The following SLC38A3 variants were observed in gnomAD, a reference collection of about 807,000 sequenced individuals.
The protein encoded by SLC38A3 is solute carrier family 38 member 3.
In SLC38A3, 17 loss-of-function variants were observed where a neutral mutation model predicts 59.5. That is an observed-to-expected ratio of 0.29 (90% CI 0.20 to 0.43). The LOEUF is 0.43. SLC38A3 is among the 20% of genes least tolerant of loss of function. SLC38A3 has a pLI of 1.00. For synonymous variants in SLC38A3, 238 were observed against 260.3 expected, an observed-to-expected ratio of 0.91 and a Z score of 0.82; for missense variants, 454 against 653.9, an observed-to-expected ratio of 0.69 and a Z score of 3.33.
chr3:50,208,846 T>A (rs1699682748), intron 1 of SLC38A3, among the ~76,000 whole-genome samples: 1 of 152,212 alleles, frequency 6.6e-6, no homozygotes, highest in Admixed American at 6.5e-5. Flanking sequence ...AATGACTGTG[T>A]TTTCTCTCCC....
Position 50,218,250 on chromosome 3 carries a change from A to ACCCC in SLC38A3, c.936-16_936-13dup. 9.6e-7 allele frequency: 1 copy of ACCCC among 1,038,316 alleles called. No individual in the cohort carries two copies. The highest frequency in any genetic ancestry group is 1.5e-6 in the Non-Finnish European group (1 of 658,142). 64.3% of individuals were successfully genotyped at this position (1,038,316 alleles called of 1,614,324 possible). On this transcript the variant is annotated intron_variant, in intron 11 of 15. Transcript: ENST00000614032. This position sits in a 1 kb window ranked among gnomAD's most constrained non-coding sequence, Gnocchi z 5.8. ...GTTACCCAGCTTGTCACCAACACCC[A>ACCCC]CCCCCCCACTTCCCCACAGCCCCTC...
chr3:50,218,260 T>C lies in SLC38A3; in HGVS notation c.936-10T>C, dbSNP rs1222048297. 2.2e-4 allele frequency: 252 copies of C among 1,155,068 alleles called. No individual in the cohort carries two copies. The highest frequency in any genetic ancestry group is 2.6e-4 in the Non-Finnish European group (197 of 771,338). 71.6% of individuals were successfully genotyped at this position (1,155,068 alleles called of 1,614,324 possible). A position where few individuals can be genotyped will look rare whatever the true frequency, so the allele number is the denominator to read the frequency against. On this transcript the variant is annotated splice_polypyrimidine_tract_variant and intron_variant, in intron 11 of 15. Coordinates refer to ENST00000614032, the MANE Select transcript of SLC38A3 (RefSeq NM_006841.6). The surrounding 1 kb of genome is among the most constrained non-coding windows in gnomAD (Gnocchi z 5.8). The stretch of plus-strand genomic sequence containing the variant: ...TTGTCACCAACACCCACCCCCCCAC[T>C]TCCCCACAGCCCCTCCAAGAAGAAG...
intron 1 of SLC38A3, among the ~76,000 whole-genome samples, chr3:50,213,612 G>A (rs1027432209): frequency 1.3e-4 from 20 of 152,226 alleles, no homozygotes; most frequent in African/African-American, 3.6e-4. Context: ...CCCGCCGGGC[G>A]GCTGGGAACA....
chr3:50,214,101 C>G lies in SLC38A3; in HGVS notation c.-51-48C>G, dbSNP rs147216072. 346 of 1,161,468 alleles carry G rather than the reference C, an allele frequency of 3.0e-4. 2 individuals are homozygous for G. In the African/African-American group the frequency reaches 4.5e-3, roughly 15 times the overall value. 71.9% of individuals were successfully genotyped at this position (1,161,468 alleles called of 1,614,324 possible). On this transcript the variant is annotated intron_variant, in intron 1 of 15. Coordinates refer to ENST00000614032, the MANE Select transcript of SLC38A3 (RefSeq NM_006841.6). This position sits in a 1 kb window ranked among gnomAD's most constrained non-coding sequence, Gnocchi z 6.0. The stretch of plus-strand genomic sequence containing the variant: ...GCAGGCCTCAGGTAGGAGGCTAGGC[C>G]GTAGGCCCAAGTAACGGGGCTAACC...
At position 50,214,420 on chromosome 3, in the gene SLC38A3, G is replaced by A. The variant is rs1394459494; in HGVS notation, c.120G>A (p.Arg40=). ...CCTACAGGGTCGAGGACCCTGCACG[G>A]AGCTGTATGGAGGGCAAGAGCTTCC... ...AGNQRVEDPA[R]SCMEGKSFLQ... The change falls in exon 3 of 16, where the codon CGG becomes CGA. Residue 40 remains arginine, a synonymous_variant. Coordinates refer to ENST00000614032, the MANE Select transcript of SLC38A3 (RefSeq NM_006841.6). This position sits in a 1 kb window ranked among gnomAD's most constrained non-coding sequence, Gnocchi z 6.0. 6.3e-7 allele frequency: 1 copy of A among 1,583,022 alleles called. No individual in the cohort carries two copies. The highest frequency in any genetic ancestry group is 1.1e-5 in the South Asian group (1 of 86,958).
Position 50,214,516 on chromosome 3 carries a change from CTG to C in SLC38A3, c.183+36_183+37del. 6.5e-7 allele frequency: 1 copy of C among 1,537,704 alleles called. No homozygotes were observed. The highest frequency in any genetic ancestry group is 1.2e-5 in the South Asian group (1 of 84,034). Reference sequence around the variant, plus strand: ...GGGCAGCAACGGGTTTTAGGGGACACTGTGGGGAGCTTGGATGCAGTAATGAG... The same window carrying C: ...GGGCAGCAACGGGTTTTAGGGGACACTGGGGAGCTTGGATGCAGTAATGAG... On this transcript the variant is annotated intron_variant, in intron 3 of 15. Coordinates refer to ENST00000614032, the MANE Select transcript of SLC38A3 (RefSeq NM_006841.6). This position sits in a 1 kb window ranked among gnomAD's most constrained non-coding sequence, Gnocchi z 6.0.
Position 50,218,665 on chromosome 3 carries a change from G to A in SLC38A3, c.1109G>A (p.Arg370His). ...DPFDVLILCV[R>H]VAVLTAVTLT... ...TTTGACGTCCTGATCCTGTGTGTGC[G>A]CGTGGCCGTGCTGACAGCAGTCACG... The change falls in exon 13 of 16, where the codon CGC becomes CAC. Residue 370 changes from arginine to histidine, a missense_variant. Arg to His is a conservative substitution (Grantham distance 29). Transcript: ENST00000614032. The surrounding 1 kb of genome is among the most constrained non-coding windows in gnomAD (Gnocchi z 5.8). 1.9e-6 allele frequency: 3 copies of A among 1,613,490 alleles called. No individual in the cohort carries two copies. Among genetic ancestry groups the A allele is most frequent in the Non-Finnish European group, 2.5e-6 (3 of 1,179,562 alleles).
chr3:50,219,894 C>T lies in SLC38A3; in HGVS notation c.1320C>T (p.Ala440=). 1 of 1,612,576 alleles carries T rather than the reference C, an allele frequency of 6.2e-7. No individual in the cohort carries two copies. ...GIFGVIGATS[A]PFLIFIFPAI... ...TGTTCTTTGCAGGTGCCACATCTGC[C>T]CCATTCCTCATCTTCATCTTCCCTG... The change falls in exon 15 of 16, where the codon GCC becomes GCT. Residue 440 remains alanine, a synonymous_variant. Coordinates refer to ENST00000614032, the MANE Select transcript of SLC38A3 (RefSeq NM_006841.6).
intron 1 of SLC38A3, among the ~76,000 whole-genome samples, chr3:50,209,522 GC>G (rs1223690240): frequency 6.6e-6 from 1 of 152,022 alleles, no homozygotes; most frequent in Non-Finnish European, 1.5e-5. Context: ...GGTGGCGGGC[GC>G]CTGTAGTCCC....
At position 50,220,109 on chromosome 3, in the gene SLC38A3, A is replaced by T. The variant is rs750197426; in HGVS notation, c.1447A>T (p.Thr483Ser). The change falls in exon 16 of 16, where the codon ACC becomes TCC. Residue 483 changes from threonine to serine, a missense_variant. By Grantham distance (58) the Thr-to-Ser change is moderately conservative. Around this residue, in one of 3 missense-constraint regions of SLC38A3, gnomAD observed 59 missense variants for 70.8 expected, o/e 0.83. Coordinates refer to ENST00000614032, the MANE Select transcript of SLC38A3 (RefSeq NM_006841.6). ...TGCTATGCTTGGCTTCTTGCTGATGACCATGAGCTTGAGCTTCATCATCAT... is the reference window on the plus strand; with the variant it reads ...TGCTATGCTTGGCTTCTTGCTGATGTCCATGAGCTTGAGCTTCATCATCAT... ...CFAMLGFLLM[T>S]MSLSFIIIDW... 1.2e-6 allele frequency: 2 copies of T among 1,607,368 alleles called. No homozygotes were observed. The highest frequency in any genetic ancestry group is 4.5e-5 in the East Asian group (2 of 44,734).
At chr3:50,211,568 CTTTTTTTTTTTTTTTT>C (rs765148889) in intron 1 of SLC38A3, among the ~76,000 whole-genome samples, 1 of 81,190 alleles carries the variant, frequency 1.2e-5, no homozygotes, top group African/African-American at 4.5e-5. Context: ...TGCCCCCATC[CTTTTTTTTTTTTTTTT>C]TTTTTTTTTT....
At chr3:50,208,989 C>T (rs1459366910) in intron 1 of SLC38A3, among the ~76,000 whole-genome samples, 1 of 152,188 alleles carries the variant, frequency 6.6e-6, no homozygotes, top group Non-Finnish European at 1.5e-5. Context: ...CTGCCCGAGG[C>T]CTGTGCTTCA....
rs748392254 is a variant in SLC38A3 at position 50,218,400 on chromosome 3, G to A, written c.1036+30G>A. 68 of 1,564,684 alleles carry A rather than the reference G, an allele frequency of 4.3e-5. 2 individuals are homozygous for A. The South Asian group carries it at 7.5e-4, about 17-fold the overall frequency. On this transcript the variant is annotated intron_variant, in intron 12 of 15. Transcript: ENST00000614032. The surrounding 1 kb of genome is among the most constrained non-coding windows in gnomAD (Gnocchi z 5.8). ...GGTGGCACCGGTGGGCAGAGGCCTA[G>A]GCTAGGCTGGGGGGAAGGGGCTGGT...
chr3:50,217,587 A>C lies in SLC38A3; in HGVS notation c.691-89A>C. Reference sequence around the variant, plus strand: ...GAAGCCTGGGCCAGAAGGCAGCTCCACCAGTCCTGATCTAGATGTGGCTTC... The same window carrying C: ...GAAGCCTGGGCCAGAAGGCAGCTCCCCCAGTCCTGATCTAGATGTGGCTTC... On this transcript the variant is annotated intron_variant, in intron 9 of 15. Transcript: ENST00000614032. The surrounding 1 kb of genome is among the most constrained non-coding windows in gnomAD (Gnocchi z 4.9). The C allele has an allele frequency of 1.9e-6, 3 of 1,585,252 alleles. No homozygotes were observed. The South Asian group carries it at 3.4e-5, about 18-fold the overall frequency.
In SLC38A3 at chr3:50,218,224, T is replaced by G; in HGVS notation, c.936-46T>G. ...CTTGGGGCACATGGGGGTCTCCCAA[T>G]GTTACCCAGCTTGTCACCAACACCC... is the stretch of plus-strand genomic sequence containing the variant. On this transcript the variant is annotated intron_variant, in intron 11 of 15. Coordinates refer to ENST00000614032, the MANE Select transcript of SLC38A3 (RefSeq NM_006841.6). This position sits in a 1 kb window ranked among gnomAD's most constrained non-coding sequence, Gnocchi z 5.8. The G allele has an allele frequency of 7.3e-7, 1 of 1,373,738 alleles. No individual in the cohort carries two copies. Among genetic ancestry groups the G allele is most frequent in the Non-Finnish European group, 1.0e-6 (1 of 961,106 alleles). The allele number at this position is 1,373,738 out of a possible 1,614,324, so 85.1% of individuals were successfully genotyped here.
chr3:50,213,495 C>T (rs577047746), intron 1 of SLC38A3, among the ~76,000 whole-genome samples: 7 of 152,326 alleles, frequency 4.6e-5, no homozygotes, highest in Admixed American at 6.5e-5. Context: ...CACCCAGCAC[C>T]GCCTCAGGCA....
At chr3:50,209,994 C>T (rs1333090265) in intron 1 of SLC38A3, among the ~76,000 whole-genome samples, 1 of 152,202 alleles carries the variant, frequency 6.6e-6, no homozygotes, top group East Asian at 1.9e-4. Flanking sequence ...TGTCTTTTCC[C>T]TGTTCTAACA....
At position 50,217,038 on chromosome 3, in the gene SLC38A3, G is replaced by T. The variant is rs980319857; in HGVS notation, c.549-200G>T. Among the ~76,000 whole-genome samples, 3 of 152,252 alleles carry T rather than the reference G, an allele frequency of 2.0e-5. No individual in the cohort carries two copies. Among genetic ancestry groups the T allele is most frequent in the Non-Finnish European group, 4.4e-5 (3 of 68,050 alleles). On this transcript the variant is annotated intron_variant, in intron 7 of 15. Coordinates refer to ENST00000614032, the MANE Select transcript of SLC38A3 (RefSeq NM_006841.6). The surrounding 1 kb of genome is among the most constrained non-coding windows in gnomAD (Gnocchi z 4.9). The stretch of plus-strand genomic sequence containing the variant: ...TCCACCCACCTCAGCCTCCCAAAGT[G>T]CTGGGATTACAGGCGTGAACCACCG...
chr3:50,216,194 G>T (rs1443206151), intron 7 of SLC38A3, among the ~76,000 whole-genome samples: 1 of 152,234 alleles, frequency 6.6e-6, no homozygotes, highest in Non-Finnish European at 1.5e-5. Flanking sequence ...TTAAGCCCAG[G>T]TGTCCCAGTT....
Sources: gnomAD v4.1 joint callset for allele counts (sites outside exome capture counted in the v4.1 genomes callset) on GRCh38, gnomAD v4.1.1 for gene constraint, gnomAD v4.1.1 regional missense constraint, Gnocchi (gnomAD v3.1) non-coding constraint, MANE v1.5 for transcripts, NCBI Gene and HGNC (gene_info 2026-07-23, HGNC 2026-07-21) for gene names.